FAM135B: variants seen among roughly 807,000 people sequenced by gnomAD.
FAM135B encodes family with sequence similarity 135 member B.
FAM135B carries 43 observed loss-of-function variants against 127.7 expected under a neutral mutation model. That is an observed-to-expected ratio of 0.34 (90% CI 0.26 to 0.43). The LOEUF (loss-of-function observed/expected upper bound fraction) is 0.43. Among genes scored for constraint, FAM135B ranks in the 20% least tolerant of loss-of-function variants. The probability of loss-of-function intolerance (pLI) is 1.00; values close to 1 mark genes in which losing one functional copy is unlikely to be tolerated. For synonymous variants in FAM135B, 670 were observed against 665.1 expected, an observed-to-expected ratio of 1.01 and a Z score of -0.11; for missense variants, 1,558 against 1,725.6, an observed-to-expected ratio of 0.90 and a Z score of 1.72.
chr8:138,235,664 C>A (rs561085878), intron 7 of FAM135B, among the ~76,000 whole-genome samples: 2 of 152,244 alleles, frequency 1.3e-5, no homozygotes, highest in Admixed American at 1.3e-4. Context: ...CCCCTCCCCA[C>A]CCTGCCCTGC....
chr8:138,193,132 C>T (rs546058935), intron 9 of FAM135B, among the ~76,000 whole-genome samples: 11 of 152,306 alleles, frequency 7.2e-5, no homozygotes, highest in African/African-American at 2.2e-4. Context: ...CCTGCCCTCA[C>T]GACCGCACAG....
intron 2 of FAM135B, among the ~76,000 whole-genome samples, chr8:138,326,651 A>G (rs1827812739): frequency 6.6e-6 from 1 of 152,178 alleles, no homozygotes; most frequent in Non-Finnish European, 1.5e-5. Context: ...CAAGTCTTTC[A>G]TGCAGAAGGA....
intron 7 of FAM135B, among the ~76,000 whole-genome samples, chr8:138,206,169 CCTCT>C (rs1193011213): frequency 1.6e-4 from 24 of 146,656 alleles, no homozygotes; most frequent in African/African-American, 5.1e-4. Context: ...ATCACCTCCA[CCTCT>C]GCAAGGCTCC....
chr8:138,213,896 C>A (rs1358640254), intron 7 of FAM135B, among the ~76,000 whole-genome samples: 1 of 152,118 alleles, frequency 6.6e-6, no homozygotes, highest in Non-Finnish European at 1.5e-5. Flanking sequence ...AGACTTGTGG[C>A]TGGAAGTCTG....
At chr8:138,407,069 C>T (rs1833550846) in intron 1 of FAM135B, among the ~76,000 whole-genome samples, 1 of 151,200 alleles carries the variant, frequency 6.6e-6, no homozygotes, top group South Asian at 2.1e-4. Context: ...TCTCAGGATA[C>T]AAAATCAATG....
intron 3 of FAM135B, among the ~76,000 whole-genome samples, chr8:138,280,744 G>T (rs1824202904): frequency 6.6e-6 from 1 of 152,174 alleles, no homozygotes; most frequent in South Asian, 2.1e-4. Flanking sequence ...CACAGGTTTG[G>T]ATCGATAGGA....
At chr8:138,238,696 G>A (rs1192295861) in intron 7 of FAM135B, among the ~76,000 whole-genome samples, 3 of 152,196 alleles carry the variant, frequency 2.0e-5, no homozygotes, top group Non-Finnish European at 4.4e-5. Context: ...CAATCTGTGC[G>A]GATTCCAATG....
chr8:138,484,979 G>A (rs549260810), intron 1 of FAM135B, among the ~76,000 whole-genome samples: 1 of 152,154 alleles, frequency 6.6e-6, no homozygotes, highest in East Asian at 1.9e-4. Flanking sequence ...TAAAATCAAC[G>A]AGGTTTCACC....
At chr8:138,174,316 G>C (rs1814221595) in intron 11 of FAM135B, among the ~76,000 whole-genome samples, 1 of 152,146 alleles carries the variant, frequency 6.6e-6, no homozygotes, top group Admixed American at 6.5e-5. Flanking sequence ...CCTGATTTGG[G>C]AGTGCGCTGC....
At chr8:138,476,645 T>A (rs1814467773) in intron 1 of FAM135B, among the ~76,000 whole-genome samples, 1 of 152,074 alleles carries the variant, frequency 6.6e-6, no homozygotes, top group Non-Finnish European at 1.5e-5. Flanking sequence ...AATTTTTAAA[T>A]AAAAAATATA....
intron 2 of FAM135B, among the ~76,000 whole-genome samples, chr8:138,316,091 C>T (rs1827064695): frequency 6.6e-6 from 1 of 152,190 alleles, no homozygotes. Flanking sequence ...ACTCTGCTCA[C>T]ATATAATGAT....
At chr8:138,263,087 A>G (rs1265244308) in intron 4 of FAM135B, among the ~76,000 whole-genome samples, 1 of 152,012 alleles carries the variant, frequency 6.6e-6, no homozygotes, top group Non-Finnish European at 1.5e-5. Context: ...GGACACAGCA[A>G]ATGGTATGCT....
At chr8:138,159,758 T>TA (rs1278039532) in intron 12 of FAM135B, among the ~76,000 whole-genome samples, 2 of 114,480 alleles carry the variant, frequency 1.7e-5, no homozygotes, top group African/African-American at 6.4e-5. Flanking sequence ...AGTATAATTT[T>TA]AAAAAAAAGA....
intron 3 of FAM135B, among the ~76,000 whole-genome samples, chr8:138,274,250 A>G (rs1247237916): frequency 6.6e-6 from 1 of 152,198 alleles, no homozygotes; most frequent in Non-Finnish European, 1.5e-5. Context: ...ATAAAGGGAC[A>G]GAGTACAAAA....
chr8:138,365,741 G>A (rs1438561643), intron 2 of FAM135B, among the ~76,000 whole-genome samples: 3 of 152,020 alleles, frequency 2.0e-5, no homozygotes, highest in Admixed American at 2.0e-4. Flanking sequence ...CATAACCAAC[G>A]ATATGAGGCT....
At chr8:138,178,817 AGTATT>A in intron 9 of FAM135B, 127 bp from the exon 10 acceptor site, 3 of 708,934 alleles carry the variant, frequency 4.2e-6, no homozygotes, top group Non-Finnish European at 7.0e-6. Flanking sequence ...GTACATCTGT[AGTATT>A]ATATATTACA....
intron 1 of FAM135B, among the ~76,000 whole-genome samples, chr8:138,447,784 G>T (rs185869566): frequency 2.2e-4 from 33 of 148,948 alleles, no homozygotes; most frequent in African/African-American, 8.1e-4. Flanking sequence ...TTTTGCACAT[G>T]TACCCTAGAA....
At chr8:138,250,612 G>A (rs910005813) in intron 6 of FAM135B, among the ~76,000 whole-genome samples, 1 of 152,166 alleles carries the variant, frequency 6.6e-6, no homozygotes, top group Non-Finnish European at 1.5e-5. Context: ...TCTTCCTGGT[G>A]TAAGCCATAG....
At chr8:138,324,911 T>C (rs1040957179) in intron 2 of FAM135B, among the ~76,000 whole-genome samples, 2 of 152,200 alleles carry the variant, frequency 1.3e-5, no homozygotes, top group African/African-American at 2.4e-5. Context: ...GCTTAGCTAA[T>C]GCATACAAAT....
Sources: allele counts gnomAD v4.1 joint callset (sites outside exome capture counted in the v4.1 genomes callset), GRCh38; gene constraint gnomAD v4.1.1; transcripts MANE v1.5; gene names NCBI Gene and HGNC (gene_info 2026-07-23, HGNC 2026-07-21).